TAS2R1: variants seen among roughly 807,000 people sequenced by gnomAD.
TAS2R1 encodes taste receptor type 2 member 1.
For missense variants in TAS2R1, 370 were observed against 353.4 expected (o/e 1.05, Z -0.38); for synonymous variants, 141 against 134.2 (o/e 1.05, Z -0.35).
chr5:9,637,862 A>G (rs1739994890), intron 2 of TAS2R1, among the ~76,000 whole-genome samples: 1 of 152,036 alleles, frequency 6.6e-6, no homozygotes, highest in Non-Finnish European at 1.5e-5. Context: ...GTTTGTCTTC[A>G]CCTTTCTCTG....
the TAS2R1 span, among the ~76,000 whole-genome samples, chr5:9,822,138 G>T: frequency 3.3e-5 from 5 of 151,920 alleles, no homozygotes; most frequent in African/African-American, 1.2e-4. Flanking sequence ...TAAGACTTTC[G>T]TATAGGTTAA....
chr5:9,722,918 T>G, the TAS2R1 span, among the ~76,000 whole-genome samples: 15 of 152,330 alleles, frequency 9.8e-5, no homozygotes, highest in East Asian at 2.7e-3. Context: ...ATTTAGGCTG[T>G]GAAATGGTCA....
chr5:9,825,156 T>G, the TAS2R1 span, among the ~76,000 whole-genome samples: 16 of 152,328 alleles, frequency 1.1e-4, no homozygotes, highest in African/African-American at 3.8e-4. Flanking sequence ...TCATTTCCTT[T>G]CTACTTACTA....
the TAS2R1 span, among the ~76,000 whole-genome samples, chr5:9,796,358 C>A: frequency 6.6e-6 from 1 of 152,160 alleles, no homozygotes; most frequent in Non-Finnish European, 1.5e-5. Flanking sequence ...GGGACTGTCA[C>A]CCTACCCACT....
chr5:9,779,150 C>T, the TAS2R1 span, among the ~76,000 whole-genome samples: 59 of 152,334 alleles, frequency 3.9e-4, no homozygotes, highest in East Asian at 7.3e-3. Flanking sequence ...ATTTAGTTCT[C>T]ACTACAAGTT....
At chr5:9,699,283 G>A (rs1741426469) in intron 1 of TAS2R1, among the ~76,000 whole-genome samples, 1 of 152,178 alleles carries the variant, frequency 6.6e-6, no homozygotes, top group Admixed American at 6.5e-5. Context: ...AATTAACTCT[G>A]CACACCAAAA....
chr5:9,649,502 T>A (rs1490356309), intron 2 of TAS2R1, among the ~76,000 whole-genome samples: 1 of 152,182 alleles, frequency 6.6e-6, no homozygotes, highest in African/African-American at 2.4e-5. Flanking sequence ...TCCTGAGCAA[T>A]GGCTTTCCTA....
chr5:9,647,718 G>A (rs1042114949), intron 2 of TAS2R1, among the ~76,000 whole-genome samples: 3 of 152,138 alleles, frequency 2.0e-5, no homozygotes, highest in African/African-American at 7.2e-5. Flanking sequence ...ACTTTCTACA[G>A]ATAGACGCCA....
chr5:9,665,656 C>G (rs372135051), intron 1 of TAS2R1, among the ~76,000 whole-genome samples: 1 of 152,260 alleles, frequency 6.6e-6, no homozygotes, highest in Admixed American at 6.5e-5. Context: ...GAAGGCAAAT[C>G]CTCAGCCCTC....
the TAS2R1 span, among the ~76,000 whole-genome samples, chr5:9,720,258 C>G: frequency 3.9e-5 from 6 of 152,228 alleles, no homozygotes; most frequent in African/African-American, 1.2e-4. Flanking sequence ...CACTTACTCT[C>G]GTGGATCTGC....
chr5:9,815,905 G>A, the TAS2R1 span, among the ~76,000 whole-genome samples: 5 of 152,142 alleles, frequency 3.3e-5, no homozygotes, highest in African/African-American at 1.2e-4. Context: ...CACCCTCTTA[G>A]GGTCATTAAT....
chr5:9,762,032 T>C, the TAS2R1 span, among the ~76,000 whole-genome samples: 2 of 152,140 alleles, frequency 1.3e-5, no homozygotes, highest in Admixed American at 1.3e-4. Context: ...CACTTCCTTG[T>C]CACTTCAGAG....
Position 9,629,305 on chromosome 5 carries a change from A to G in TAS2R1, c.728T>C (p.Ile243Thr), listed in dbSNP as rs1273746627. 8.1e-6 allele frequency: 13 copies of G among 1,613,560 alleles called. No homozygotes were observed. The highest frequency in any genetic ancestry group is 1.3e-5 in the African/African-American group (1 of 74,876). ...CTTTAGAGAAGAGAGAAAAACTTTT[A>G]TCATGCAGTGGGAGAAGTAGAGGAT... ...FLILYFSHCM[I>T]KVFLSSLKFH... Residue 243 changes from isoleucine (I) to threonine (T), a missense_variant, in exon 1 of 1, where the codon ATA (isoleucine) becomes ACA (threonine). Physicochemically the swap from Ile to Thr is moderately conservative, Grantham distance 89 (BLOSUM62 -1). Coordinates refer to ENST00000382492, the MANE Select transcript of TAS2R1 (RefSeq NM_019599.3).
At chr5:9,758,767 A>T in the TAS2R1 span, among the ~76,000 whole-genome samples, 3 of 152,332 alleles carry the variant, frequency 2.0e-5, no homozygotes, top group South Asian at 6.2e-4. Flanking sequence ...AGACTCCCCC[A>T]GGCTTCGGCA....
downstream of TAS2R1, chr5:9,629,190 AT>A: frequency 1.3e-6 from 2 of 1,592,630 alleles, no homozygotes; most frequent in Middle Eastern, 1.7e-4. Context: ...TCAATTTAGG[AT>A]TTCCTAAAAT....
At chr5:9,848,027 C>T in the TAS2R1 span, among the ~76,000 whole-genome samples, 1 of 152,186 alleles carries the variant, frequency 6.6e-6, no homozygotes, top group Non-Finnish European at 1.5e-5. Context: ...TTTGAACACT[C>T]CCTCCAGGTG....
chr5:9,784,963 A>G, the TAS2R1 span, among the ~76,000 whole-genome samples: 14 of 152,314 alleles, frequency 9.2e-5, no homozygotes, highest in South Asian at 8.3e-4. Flanking sequence ...GGACTTCAAC[A>G]TATCATTTTT....
the TAS2R1 span, among the ~76,000 whole-genome samples, chr5:9,849,833 G>C: frequency 1.3e-5 from 2 of 152,182 alleles, no homozygotes; most frequent in Non-Finnish European, 2.9e-5. Flanking sequence ...TGGTCTCCCA[G>C]GCAAGCTCCC....
chr5:9,660,447 A>G (rs1740513245), intron 1 of TAS2R1, among the ~76,000 whole-genome samples: 1 of 152,028 alleles, frequency 6.6e-6, no homozygotes, highest in Admixed American at 6.6e-5. Context: ...AACATGTCCT[A>G]CTAGTCACTA....
Sources: allele counts gnomAD v4.1 joint callset (sites outside exome capture counted in the v4.1 genomes callset), GRCh38; gene constraint gnomAD v4.1.1; transcripts MANE v1.5; gene names NCBI Gene and HGNC (gene_info 2026-07-23, HGNC 2026-07-21).